Variants in SMPD3 observed in about 807,000 individuals in gnomAD.
The protein encoded by SMPD3 is nSMase-2.
Under a neutral mutation model 55.7 loss-of-function variants are expected in SMPD3, and 21 were observed. That is an observed-to-expected ratio of 0.38 (90% CI 0.27 to 0.54). The LOEUF is 0.54. Among genes scored for constraint, SMPD3 ranks in the 20% least tolerant of loss-of-function variants. The pLI is 0.80. For synonymous variants in SMPD3, 457 were observed against 404.3 expected, an observed-to-expected ratio of 1.13 and a Z score of -1.56; for missense variants, 842 against 899.6, an observed-to-expected ratio of 0.94 and a Z score of 0.82.
rs947368752 is a variant in SMPD3, at chr16:68,377,619, C to T, written c.-206-5232G>A. Among the ~76,000 whole-genome samples, 19 of 152,286 alleles carry T rather than the reference C, an allele frequency of 1.2e-4. No homozygotes were observed. In the South Asian group the frequency reaches 3.5e-3, roughly 28 times the overall value. On this transcript the variant is annotated intron_variant, in intron 2 of 8. Coordinates refer to ENST00000219334, the MANE Select transcript of SMPD3 (RefSeq NM_018667.4). ...GGGGCAGCTGATCTGCCATCACCAG[C>T]GGAGGGTGATCCCAGGAATAAGGCC...
At chr16:68,408,970 G>T (rs952510836) in intron 1 of SMPD3, among the ~76,000 whole-genome samples, 1 of 152,122 alleles carries the variant, frequency 6.6e-6, no homozygotes, top group Non-Finnish European at 1.5e-5. Flanking sequence ...ACTCCCCACC[G>T]CTATGGAGTG....
chr16:68,438,323 C>A (rs749704016), intron 1 of SMPD3, among the ~76,000 whole-genome samples: 8 of 152,162 alleles, frequency 5.3e-5, no homozygotes, highest in Admixed American at 1.3e-4. Context: ...TTGTGAAGAC[C>A]AAATGAGAGA....
At chr16:68,374,240 C>T (rs185439671) in intron 2 of SMPD3, among the ~76,000 whole-genome samples, 41 of 152,316 alleles carry the variant, frequency 2.7e-4, no homozygotes, top group East Asian at 1.9e-4. Flanking sequence ...CCGAGGTGTG[C>T]GGAGGGGGTT....
chr16:68,366,375 C>G (rs1044975869), intron 3 of SMPD3, among the ~76,000 whole-genome samples: 1 of 152,230 alleles, frequency 6.6e-6, no homozygotes, highest in Admixed American at 6.5e-5. Flanking sequence ...CCCTAATGCA[C>G]AGCCTTCCTT....
At position 68,372,028 on chromosome 16, in the gene SMPD3, G is replaced by T; in HGVS notation, c.154C>A (p.Pro52Thr). The change falls in exon 3 of 9, where the codon CCG becomes ACG. Residue 52 changes from proline (P) to threonine (T), a missense_variant. Physicochemically the swap from Pro to Thr is conservative, Grantham distance 38. Coordinates refer to ENST00000219334, the MANE Select transcript of SMPD3 (RefSeq NM_018667.4). ...GTGCAGAGCAGCTGCAGGCAGCACG[G>T]GTCGTCTGCCCGCTGGCGCTTCTCG... ...TYEKRQRADDPCCLQLLCTAL... is the reference protein window; with the variant it reads ...TYEKRQRADDTCCLQLLCTAL... 6.2e-7 allele frequency: 1 copy of T among 1,610,988 alleles called. No homozygotes were observed. Among genetic ancestry groups the T allele is most frequent in the Middle Eastern group, 1.7e-4 (1 of 6,054 alleles).
chr16:68,398,474 T>C (rs2090179336), intron 1 of SMPD3, among the ~76,000 whole-genome samples: 1 of 152,184 alleles, frequency 6.6e-6, no homozygotes, highest in Non-Finnish European at 1.5e-5. Context: ...GATCCTGGCC[T>C]GAGGTGGCCG....
rs1320053242 is a variant in SMPD3 at position 68,404,998 on chromosome 16, T to C, written c.-268-18339A>G. ...CGGGCATTTGGTAACTCGAGGAAAA[T>C]GGACTTTTCCTCTTCTGCTGCTTTT... On this transcript the variant is annotated intron_variant, in intron 1 of 8. Transcript: ENST00000219334. This position sits in a 1 kb window ranked among gnomAD's most constrained non-coding sequence, Gnocchi z 4.0. Among the ~76,000 whole-genome samples the C allele has an allele frequency of 6.6e-6, 1 of 152,162 alleles. No homozygotes were observed. Among genetic ancestry groups the C allele is most frequent in the Non-Finnish European group, 1.5e-5 (1 of 68,026 alleles).
intron 1 of SMPD3, among the ~76,000 whole-genome samples, chr16:68,401,407 A>G (rs1445692865): frequency 6.6e-6 from 1 of 151,878 alleles, no homozygotes; most frequent in Admixed American, 6.6e-5. Flanking sequence ...AAAATGCAAG[A>G]CTTGAGTTTG....
At position 68,359,747 on chromosome 16, in the gene SMPD3, C is replaced by T. The variant is rs879626766; in HGVS notation, c.*1459G>A. On this transcript the variant is annotated 3_prime_UTR_variant, in exon 9 of 9. Transcript: ENST00000219334. ...TCAGCGGGGATTGTCAAAAACAGTC[C>T]CTCAAGTTGAGTCTCGAACTTTGAA... The T allele has an allele frequency of 1.3e-5, 2 of 152,524 alleles. No homozygotes were observed. The highest frequency in any genetic ancestry group is 2.9e-5 in the Non-Finnish European group (2 of 68,086). 9.4% of individuals were successfully genotyped at this position (152,524 alleles called of 1,614,324 possible). A position where few individuals can be genotyped will look rare whatever the true frequency, so the allele number is the denominator to read the frequency against.
intron 1 of SMPD3, among the ~76,000 whole-genome samples, chr16:68,431,885 G>A (rs142156922): frequency 0.018 from 2,727 of 152,202 alleles, 51 homozygotes; most frequent in South Asian, 0.055. Context: ...TCCTACCACT[G>A]CACTCCAGCC....
intron 1 of SMPD3, among the ~76,000 whole-genome samples, chr16:68,429,919 T>C (rs2090466330): frequency 6.6e-6 from 1 of 152,146 alleles, no homozygotes; most frequent in Non-Finnish European, 1.5e-5. Flanking sequence ...CCTCCTGCCC[T>C]TTGAAGTCCA....
intron 1 of SMPD3, among the ~76,000 whole-genome samples, chr16:68,439,144 G>T (rs572759490): frequency 5.3e-5 from 8 of 152,294 alleles, no homozygotes; most frequent in African/African-American, 1.9e-4. Flanking sequence ...AGAGGAGAAA[G>T]ATGAAGTCTG....
intron 1 of SMPD3, among the ~76,000 whole-genome samples, chr16:68,420,144 T>C (rs552777204): frequency 1.3e-5 from 2 of 152,184 alleles, no homozygotes; most frequent in Admixed American, 1.3e-4. Flanking sequence ...GGTTTTGCCA[T>C]GTTGGCCAGG....
chr16:68,400,357 G>T (rs1335908651), intron 1 of SMPD3, among the ~76,000 whole-genome samples: 1 of 152,172 alleles, frequency 6.6e-6, no homozygotes, highest in Non-Finnish European at 1.5e-5. Flanking sequence ...AATTTTAAAC[G>T]ATAATTATGG....
chr16:68,372,014 C>A lies in SMPD3; in HGVS notation c.168G>T (p.Gln56His). Residue 56 changes from glutamine to histidine, a missense_variant, in exon 3 of 9, where the codon CAG becomes CAT. Transcript: ENST00000219334. ...RQRADDPCCL[Q>H]LLCTALFTPI... ...GCGTGAAGAGGGCAGTGCAGAGCAGCTGCAGGCAGCACGGGTCGTCTGCCC... is the reference window on the plus strand; with the variant it reads ...GCGTGAAGAGGGCAGTGCAGAGCAGATGCAGGCAGCACGGGTCGTCTGCCC... 6.2e-7 allele frequency: 1 copy of A among 1,611,826 alleles called. No individual in the cohort carries two copies. The highest frequency in any genetic ancestry group is 8.5e-7 in the Non-Finnish European group (1 of 1,179,292).
At chr16:68,391,758 C>T (rs1485565329) in intron 1 of SMPD3, among the ~76,000 whole-genome samples, 3 of 152,116 alleles carry the variant, frequency 2.0e-5, no homozygotes, top group Non-Finnish European at 2.9e-5. Flanking sequence ...TGTTATGAAC[C>T]GAATGTTTGT....
At chr16:68,406,964 G>C (rs577401574) in intron 1 of SMPD3, among the ~76,000 whole-genome samples, 3 of 152,316 alleles carry the variant, frequency 2.0e-5, no homozygotes, top group South Asian at 2.1e-4. Flanking sequence ...TTTAATGCTT[G>C]CCTGGGGGAA....
chr16:68,370,426 C>T (rs556832093), intron 3 of SMPD3, among the ~76,000 whole-genome samples: 1 of 152,290 alleles, frequency 6.6e-6, no homozygotes, highest in South Asian at 2.1e-4. Flanking sequence ...GTCTCTCTGC[C>T]TCGTTATGAA....
Position 68,405,563 on chromosome 16 carries a change from A to G in SMPD3, c.-268-18904T>C, listed in dbSNP as rs538197876. Among the ~76,000 whole-genome samples the G allele has an allele frequency of 3.9e-3, 587 of 150,606 alleles. 6 individuals are homozygous for G. The highest frequency in any genetic ancestry group is 0.012 in the African/African-American group (500 of 40,550). On this transcript the variant is annotated intron_variant, in intron 1 of 8. Coordinates refer to ENST00000219334, the MANE Select transcript of SMPD3 (RefSeq NM_018667.4). ...CCTGTCTCAAAAAAAAAAAAAAAAA[A>G]AAAAGAAAAGAAAAGAAAATACAAA... is the stretch of plus-strand genomic sequence containing the variant.
Sources: allele counts gnomAD v4.1 joint callset (sites outside exome capture counted in the v4.1 genomes callset), GRCh38; gene constraint gnomAD v4.1.1; non-coding constraint Gnocchi (gnomAD v3.1); transcripts MANE v1.5; gene names NCBI Gene and HGNC (gene_info 2026-07-23, HGNC 2026-07-21).